Variants in DGKB observed in about 807,000 individuals in gnomAD.
The protein encoded by DGKB is 90 kDa diacylglycerol kinase.
DGKB carries 67 observed loss-of-function variants against 114.3 expected under a neutral mutation model. That is an observed-to-expected ratio of 0.59 (90% confidence interval 0.48 to 0.72). The LOEUF (loss-of-function observed/expected upper bound fraction) is 0.72. Ranked by LOEUF, DGKB falls within the 30% of genes least tolerant of loss-of-function variation. The pLI is 0.00. For missense variants in DGKB, 907 were observed against 975.2 expected, an observed-to-expected ratio of 0.93 and a Z score of 0.93; for synonymous variants, 398 against 323.1, an observed-to-expected ratio of 1.23 and a Z score of -2.49.
chr7:14,826,211 G>C (rs960456237), intron 2 of DGKB, among the ~76,000 whole-genome samples: 1 of 152,112 alleles, frequency 6.6e-6, no homozygotes, highest in Non-Finnish European at 1.5e-5. Context: ...GGGAGAAATA[G>C]ATCCTTTTCT....
At chr7:14,417,429 T>C (rs1825880822) in intron 21 of DGKB, among the ~76,000 whole-genome samples, 1 of 152,048 alleles carries the variant, frequency 6.6e-6, no homozygotes, top group Non-Finnish European at 1.5e-5. Flanking sequence ...TTTTGAATGG[T>C]AAGAGCTGTT....
intron 2 of DGKB, among the ~76,000 whole-genome samples, chr7:14,808,795 C>T (rs1403016497): frequency 6.6e-6 from 1 of 152,064 alleles, no homozygotes; most frequent in Admixed American, 6.6e-5. Context: ...TATAGGTACT[C>T]CAAGTCCTTA....
intron 20 of DGKB, among the ~76,000 whole-genome samples, chr7:14,550,952 A>G (rs1795018066): frequency 1.3e-5 from 2 of 152,324 alleles, no homozygotes; most frequent in South Asian, 4.1e-4. Context: ...TTCCTTTTTA[A>G]TCAGTCTGTG....
chr7:14,877,430 C>G (rs1212379527), intron 1 of DGKB, among the ~76,000 whole-genome samples: 1 of 152,160 alleles, frequency 6.6e-6, no homozygotes, highest in African/African-American at 2.4e-5. Context: ...TGGCACATGC[C>G]TGTAATCCCA....
chr7:14,418,035 G>A (rs2128755898), intron 21 of DGKB, among the ~76,000 whole-genome samples: 1 of 150,854 alleles, frequency 6.6e-6, no homozygotes, highest in African/African-American at 2.4e-5. Flanking sequence ...GCAGCTTTCT[G>A]TATCTCACTG....
intron 6 of DGKB, among the ~76,000 whole-genome samples, chr7:14,716,442 G>A (rs996038581): frequency 6.6e-6 from 1 of 152,048 alleles, no homozygotes; most frequent in Non-Finnish European, 1.5e-5. Context: ...GTTAATTTTA[G>A]GTACTTGTTC....
At chr7:14,587,932 C>G (rs530748426) in intron 17 of DGKB, among the ~76,000 whole-genome samples, 1 of 152,090 alleles carries the variant, frequency 6.6e-6, no homozygotes, top group African/African-American at 2.4e-5. Flanking sequence ...GTGATATTCA[C>G]TTTATTGTGG....
chr7:14,293,032 G>C (rs1802002762), intron 23 of DGKB, among the ~76,000 whole-genome samples: 1 of 152,058 alleles, frequency 6.6e-6, no homozygotes, highest in Admixed American at 6.6e-5. Flanking sequence ...GAGAGAAAGA[G>C]GGAAAAGAAA....
chr7:14,655,611 A>G (rs1410663693), intron 13 of DGKB, among the ~76,000 whole-genome samples: 1 of 151,830 alleles, frequency 6.6e-6, no homozygotes, highest in African/African-American at 2.4e-5. Context: ...ACTATTCACT[A>G]TAGCCAAGAT....
At chr7:14,893,893 G>T (rs1352799276) in intron 1 of DGKB, among the ~76,000 whole-genome samples, 1 of 151,300 alleles carries the variant, frequency 6.6e-6, no homozygotes, top group Admixed American at 6.6e-5. Context: ...TTATACATGT[G>T]TCTTCCTCCA....
intron 21 of DGKB, among the ~76,000 whole-genome samples, chr7:14,362,423 C>A (rs1482332099): frequency 1.3e-5 from 2 of 152,068 alleles, no homozygotes; most frequent in Non-Finnish European, 2.9e-5. Context: ...TATTTTTGCT[C>A]ATTAATTCAT....
intron 23 of DGKB, among the ~76,000 whole-genome samples, chr7:14,260,829 A>G (rs1374530229): frequency 6.6e-6 from 1 of 152,212 alleles, no homozygotes; most frequent in Non-Finnish European, 1.5e-5. Flanking sequence ...GGTTATAATT[A>G]AAACTTGTTT....
At chr7:14,903,710 G>C (rs182386147), upstream of DGKB, among the ~76,000 whole-genome samples, 1 of 152,194 alleles carries the variant, frequency 6.6e-6, no homozygotes, top group East Asian at 1.9e-4. Context: ...CTCTATGTAT[G>C]TGTAACCAAT....
At chr7:14,462,225 TATTCAATATAGTATTGG>T in intron 21 of DGKB, among the ~76,000 whole-genome samples, 1 of 152,270 alleles carries the variant, frequency 6.6e-6, no homozygotes, top group South Asian at 2.1e-4. Context: ...TCACCACTCC[TATTCAATATAGTATTGG>T]AAGTTCTGGC....
chr7:14,362,167 G>T (rs780509589), intron 21 of DGKB, among the ~76,000 whole-genome samples: 2 of 152,002 alleles, frequency 1.3e-5, no homozygotes, highest in Admixed American at 6.6e-5. Context: ...TGGAGGCTCC[G>T]TTTAGTGGGT....
At chr7:14,634,367 A>T (rs1200639202) in intron 13 of DGKB, among the ~76,000 whole-genome samples, 1 of 151,400 alleles carries the variant, frequency 6.6e-6, no homozygotes, top group Non-Finnish European at 1.5e-5. Context: ...GAGACTTTTT[A>T]AAATTACTAT....
At chr7:14,495,296 T>A (rs918904294) in intron 20 of DGKB, among the ~76,000 whole-genome samples, 6 of 151,904 alleles carry the variant, frequency 3.9e-5, no homozygotes, top group African/African-American at 1.4e-4. Context: ...ACTGCCATTA[T>A]AACAAGAAAC....
chr7:14,379,840 GA>G, intron 21 of DGKB, among the ~76,000 whole-genome samples: 1 of 150,352 alleles, frequency 6.7e-6, no homozygotes, highest in Admixed American at 6.6e-5. Flanking sequence ...TTACAGGCGT[GA>G]GCGAGCGGGC....
At chr7:14,499,470 G>T (rs1427853932) in intron 20 of DGKB, among the ~76,000 whole-genome samples, 1 of 151,678 alleles carries the variant, frequency 6.6e-6, no homozygotes, top group Admixed American at 6.6e-5. Flanking sequence ...ACCCCCGAAA[G>T]ATTAGTTTTG....
Sources: gnomAD v4.1 joint callset for allele counts (sites outside exome capture counted in the v4.1 genomes callset) on GRCh38, gnomAD v4.1.1 for gene constraint, MANE v1.5 for transcripts, NCBI Gene and HGNC (gene_info 2026-07-23, HGNC 2026-07-21) for gene names.